Variants in MYH11 observed in about 807,000 individuals in gnomAD.
MYH11 encodes the protein myosin-11.
A neutral mutation model predicts 246.6 loss-of-function variants in MYH11; 80 were observed. The observed-to-expected ratio is 0.32, with a 90% CI of 0.27 to 0.39. MYH11 has a LOEUF of 0.39. MYH11 is among the 10% of genes least tolerant of loss of function. MYH11 has a pLI of 1.00. For missense variants in MYH11, 2,158 were observed against 2,546.8 expected (o/e 0.85, Z 3.29); for synonymous variants, 1,071 against 1,015.5 (o/e 1.05, Z -1.04).
chr16:15,792,150 C>T (rs2042625724), intron 4 of MYH11: 1 of 152,220 alleles, frequency 6.6e-6, no homozygotes, highest in Non-Finnish European at 1.5e-5. Flanking sequence ...TCTCGAACTC[C>T]TGGGTTCAAG....
intron 40 of MYH11, among the ~76,000 whole-genome samples, chr16:15,710,783 G>A (rs1431170972): frequency 6.6e-6 from 1 of 151,994 alleles, no homozygotes; most frequent in Admixed American, 6.6e-5. Flanking sequence ...TTGCAAAGGA[G>A]TGTCCTGTCT....
intron 6 of MYH11, among the ~76,000 whole-genome samples, chr16:15,781,368 C>A (rs751174490): frequency 3.3e-5 from 5 of 152,162 alleles, no homozygotes; most frequent in African/African-American, 4.8e-5. Flanking sequence ...TTGTTTGTTA[C>A]TAAAATGGGC....
chr16:15,799,348 G>GGT (rs1388652264), intron 3 of MYH11, among the ~76,000 whole-genome samples: 1 of 152,190 alleles, frequency 6.6e-6, no homozygotes, highest in African/African-American at 2.4e-5. Flanking sequence ...AAGCACAGCA[G>GGT]GTGGACAGAG....
intron 23 of MYH11, 55 bp downstream of exon 23, chr16:15,739,996 C>T (rs2041225880): frequency 1.9e-6 from 3 of 1,598,634 alleles, no homozygotes; most frequent in Admixed American, 1.7e-5. Context: ...CATACCTTGG[C>T]CTCCCAAAGT....
At chr16:15,762,739 T>C (rs1272175964) in intron 10 of MYH11, among the ~76,000 whole-genome samples, 5 of 152,138 alleles carry the variant, frequency 3.3e-5, no homozygotes, top group Non-Finnish European at 2.9e-5. Flanking sequence ...ATAATAAAAC[T>C]CTGTTCTCCC....
At chr16:15,818,395 A>T (rs2043315235) in intron 3 of MYH11, among the ~76,000 whole-genome samples, 1 of 152,052 alleles carries the variant, frequency 6.6e-6, no homozygotes, top group African/African-American at 2.4e-5. Flanking sequence ...CCCAAGCTTA[A>T]ATTTTTCTCC....
intron 14 of MYH11, among the ~76,000 whole-genome samples, chr16:15,755,094 C>T (rs117847433): frequency 2.0e-5 from 3 of 152,208 alleles, no homozygotes; most frequent in Non-Finnish European, 2.9e-5. Context: ...ACTTTATTTA[C>T]AATAACAAGC....
intron 3 of MYH11, 87 bp downstream of exon 3, chr16:15,823,168 A>G: frequency 6.3e-7 from 1 of 1,581,876 alleles, no homozygotes; most frequent in South Asian, 1.1e-5. Context: ...GTGCCTGCCA[A>G]ACTCCACATT....
chr16:15,812,984 C>A (rs998613493), intron 3 of MYH11, among the ~76,000 whole-genome samples: 1 of 152,196 alleles, frequency 6.6e-6, no homozygotes, highest in Admixed American at 6.5e-5. Context: ...CTGGTCAACA[C>A]GGTGAAACAC....
intron 30 of MYH11, 51 bp downstream of exon 30, chr16:15,724,596 G>C: frequency 1.9e-6 from 3 of 1,612,270 alleles, no homozygotes; most frequent in Non-Finnish European, 2.5e-6. Context: ...GGATCTCAGC[G>C]CAGAGAAGTT....
At chr16:15,711,010 C>T (rs1414947230) in intron 40 of MYH11, 2 of 152,422 alleles carry the variant, frequency 1.3e-5, no homozygotes. Flanking sequence ...CAGCTCTCCT[C>T]CACTGACCCC....
intron 4 of MYH11, among the ~76,000 whole-genome samples, chr16:15,792,885 A>C: frequency 6.6e-6 from 1 of 151,850 alleles, no homozygotes; most frequent in Admixed American, 6.5e-5. Flanking sequence ...CTACAGGCAC[A>C]TGCCATCACG....
intron 40 of MYH11, among the ~76,000 whole-genome samples, chr16:15,712,289 A>T (rs11866760): frequency 0.027 from 4,134 of 152,260 alleles, 185 homozygotes; most frequent in African/African-American, 0.095. Context: ...CTGAGGAGTC[A>T]TTAGATATAC....
chr16:15,797,317 T>C (rs375783322), intron 4 of MYH11, among the ~76,000 whole-genome samples: 4 of 152,142 alleles, frequency 2.6e-5, no homozygotes, highest in South Asian at 2.1e-4. Flanking sequence ...AGGAAACATA[T>C]GCACGTCCAT....
chr16:15,812,046 A>C (rs1475269907), intron 3 of MYH11, among the ~76,000 whole-genome samples: 2 of 152,180 alleles, frequency 1.3e-5, no homozygotes, highest in Non-Finnish European at 2.9e-5. Flanking sequence ...TATTGAACTT[A>C]GCTCCAGCCT....
chr16:15,728,379 A>G (rs562940600), intron 27 of MYH11, among the ~76,000 whole-genome samples: 79 of 152,224 alleles, frequency 5.2e-4, no homozygotes, highest in African/African-American at 1.8e-3. Flanking sequence ...AAAACAAAAA[A>G]CCAACAACAA....
At chr16:15,806,690 C>T (rs1228839936) in intron 3 of MYH11, among the ~76,000 whole-genome samples, 3 of 152,188 alleles carry the variant, frequency 2.0e-5, no homozygotes, top group African/African-American at 7.2e-5. Flanking sequence ...TCTTCCACTT[C>T]ATGCAGCTCT....
chr16:15,732,918 A>AT, intron 26 of MYH11: 1 of 617,398 alleles, frequency 1.6e-6, no homozygotes, highest in South Asian at 1.9e-5. Flanking sequence ...CCTGCCTAGG[A>AT]CATCTGTAAT....
chr16:15,798,314 G>A (rs537856447), intron 4 of MYH11, among the ~76,000 whole-genome samples: 232 of 152,280 alleles, frequency 1.5e-3, no homozygotes, highest in Non-Finnish European at 2.8e-3. Flanking sequence ...ACAGATGGCT[G>A]TTATGCAATT....
Sources: allele counts gnomAD v4.1 joint callset (sites outside exome capture counted in the v4.1 genomes callset), GRCh38; gene constraint gnomAD v4.1.1; transcripts MANE v1.5; gene names NCBI Gene and HGNC (gene_info 2026-07-23, HGNC 2026-07-21).